PARP4: variants seen among roughly 807,000 people sequenced by gnomAD.
PARP4 encodes protein mono-ADP-ribosyltransferase PARP4.
Under a neutral mutation model 187.7 loss-of-function variants are expected in PARP4, and 120 were observed. The observed-to-expected ratio is 0.64, with a 90% confidence interval of 0.55 to 0.74. The LOEUF is 0.74. Ranked by LOEUF, PARP4 falls within the 30% of genes least tolerant of loss-of-function variation. The pLI is 0.00. For synonymous variants in PARP4, 654 were observed against 740.9 expected (o/e 0.88, Z 1.90); for missense variants, 1,836 against 2,070.5 (o/e 0.89, Z 2.20).
chr13:24,486,640 T>C (rs1277900807), intron 10 of PARP4, among the ~76,000 whole-genome samples: 1 of 152,130 alleles, frequency 6.6e-6, no homozygotes, highest in Non-Finnish European at 1.5e-5. Flanking sequence ...ACCATGTCTT[T>C]CAACAACAAT....
Position 24,421,152 on chromosome 13 carries a change from A to T in PARP4, c.5142T>A (p.Pro1714=). The change falls in exon 34 of 34, where the codon CCT becomes CCA. Residue 1714 remains proline (P), a synonymous_variant. Transcript: ENST00000381989. ...GACTGTAATGGAGGACTCTATGAAG[A>T]GGGGACACAGTGCTTATGGGCTGGA... ...LGLQPISTVS[P]LHRVLHYSQG The T allele has an allele frequency of 6.8e-7, 1 of 1,476,360 alleles. No individual in the cohort carries two copies. Among genetic ancestry groups the T allele is most frequent in the South Asian group, 1.4e-5 (1 of 72,258 alleles). The allele number at this position is 1,476,360 out of a possible 1,614,324, so 91.5% of individuals were successfully genotyped here.
intron 32 of PARP4, among the ~76,000 whole-genome samples, chr13:24,427,582 ATAAT>A (rs1303012719): frequency 3.3e-5 from 5 of 152,216 alleles, no homozygotes; most frequent in Non-Finnish European, 7.3e-5. Flanking sequence ...TCTTTGTCTT[ATAAT>A]TAAGAATATA....
At position 24,449,475 on chromosome 13, in the gene PARP4, T is replaced by TAA. The variant is rs35355871; in HGVS notation, c.3114+241_3114+242dup. 1.9e-3 allele frequency among the ~76,000 whole-genome samples: 281 copies of TAA among 151,580 alleles called. 1 individual carries two copies. The highest frequency in any genetic ancestry group is 6.5e-3 in the African/African-American group (270 of 41,258). On this transcript the variant is annotated intron_variant, in intron 25 of 33. Transcript: ENST00000381989. ...GCAAAACATATTTAATAATTCACTTTAAAAAAAATCAGTCCATGATTTTTA... is the reference window on the plus strand; with the variant it reads ...GCAAAACATATTTAATAATTCACTTTAAAAAAAAAATCAGTCCATGATTTTTA...
chr13:24,493,260 G>T (rs1483602481), intron 8 of PARP4, among the ~76,000 whole-genome samples: 3 of 152,170 alleles, frequency 2.0e-5, no homozygotes, highest in Non-Finnish European at 4.4e-5. Context: ...TGCGGTTAAG[G>T]CATCTGACTG....
In PARP4 at chr13:24,457,743, C is replaced by T. The variant is rs183603809; in HGVS notation, c.2425-1265G>A. On this transcript the variant is annotated intron_variant, in intron 20 of 33. Coordinates refer to ENST00000381989, the MANE Select transcript of PARP4 (RefSeq NM_006437.4). The stretch of plus-strand genomic sequence containing the variant: ...CCATGATCCCACCACTGCACTCCAA[C>T]CTGGGAAACAGAGTAAGACTCTGTC... Among the ~76,000 whole-genome samples, 9 of 132,860 alleles carry T rather than the reference C, an allele frequency of 6.8e-5. No homozygotes were observed. The East Asian group carries it at 2.0e-3, about 29-fold the overall frequency. The allele number at this position is 132,860 out of a possible 152,430, so 87.2% of individuals were successfully genotyped here.
intron 9 of PARP4, 55 bp downstream of exon 9, chr13:24,492,366 C>A: frequency 8.1e-7 from 1 of 1,237,404 alleles, no homozygotes; most frequent in Non-Finnish European, 1.1e-6. Flanking sequence ...TTTCTAAAGA[C>A]CCCCACCCTC....
At chr13:24,465,854 T>C (rs930573844) in intron 17 of PARP4, among the ~76,000 whole-genome samples, 2 of 151,976 alleles carry the variant, frequency 1.3e-5, no homozygotes, top group African/African-American at 4.8e-5. Context: ...ACGACAACAA[T>C]ATCACAAAGG....
At chr13:24,449,626 T>G in intron 25 of PARP4, 92 bp downstream of exon 25, 1 of 748,920 alleles carries the variant, frequency 1.3e-6, no homozygotes, top group Non-Finnish European at 2.2e-6. Context: ...TCCCCTCTCA[T>G]TCAAGGAAAC....
chr13:24,508,314 G>A (rs1274330649), intron 1 of PARP4, among the ~76,000 whole-genome samples: 2 of 152,188 alleles, frequency 1.3e-5, no homozygotes, highest in African/African-American at 2.4e-5. Context: ...TCCACCTTCA[G>A]ATGGGTCCTG....
intron 15 of PARP4, among the ~76,000 whole-genome samples, chr13:24,474,989 G>A (rs1872912223): frequency 6.6e-6 from 1 of 152,178 alleles, no homozygotes; most frequent in South Asian, 2.1e-4. Context: ...CTGAGCCTTG[G>A]CATGTGATGT....
Position 24,426,498 on chromosome 13 carries a change from TGATTTGAACAC to T in PARP4, c.4936_4946del (p.Val1646ThrfsTer6). On this transcript the variant is annotated frameshift_variant, in exon 33 of 34. Coordinates refer to ENST00000381989, the MANE Select transcript of PARP4 (RefSeq NM_006437.4). LOFTEE classifies it low-confidence loss of function (END_TRUNC). Reference sequence around the variant, plus strand: ...TAGAAGCGTCATCCATTTTCATCAGTGATTTGAACACTATTCCCTCTTTTTCCAACCTGGTG... The same window carrying T: ...TAGAAGCGTCATCCATTTTCATCAGTTATTCCCTCTTTTTCCAACCTGGTG... 1 of 1,611,926 alleles carries T rather than the reference TGATTTGAACAC, an allele frequency of 6.2e-7. No individual in the cohort carries two copies. The highest frequency in any genetic ancestry group is 8.5e-7 in the Non-Finnish European group (1 of 1,178,822).
intron 7 of PARP4, among the ~76,000 whole-genome samples, chr13:24,494,152 A>G (rs1868815422): frequency 6.6e-6 from 1 of 152,182 alleles, no homozygotes; most frequent in Admixed American, 6.5e-5. Context: ...ATGCCTTTCT[A>G]TGAGTTCAGA....
At chr13:24,501,978 TCA>T (rs1038567869) in intron 2 of PARP4, 144 bp from the exon 3 acceptor site, 115 of 593,132 alleles carry the variant, frequency 1.9e-4, no homozygotes, top group East Asian at 1.1e-3. Context: ...TCTATAAATA[TCA>T]CAGTTTCTAG....
intron 25 of PARP4, among the ~76,000 whole-genome samples, chr13:24,449,128 C>T (rs1593602846): frequency 6.6e-6 from 1 of 152,268 alleles, no homozygotes; most frequent in East Asian, 1.9e-4. Context: ...GTGGCTCACG[C>T]CTGTAATCCC....
At chr13:24,442,987 T>A (rs549133955) in intron 28 of PARP4, among the ~76,000 whole-genome samples, 1 of 151,646 alleles carries the variant, frequency 6.6e-6, no homozygotes, top group African/African-American at 2.4e-5. Context: ...TTGTTCAGGA[T>A]AAAAGGGCCT....
At chr13:24,467,970 A>G (rs1872555989) in intron 17 of PARP4, among the ~76,000 whole-genome samples, 1 of 150,520 alleles carries the variant, frequency 6.6e-6, no homozygotes, top group Non-Finnish European at 1.5e-5. Context: ...CTGCAGGTGG[A>G]TATCTTAGAT....
intron 4 of PARP4, 131 bp downstream of exon 4, chr13:24,500,185 C>T (rs1162164899): frequency 4.6e-6 from 2 of 437,472 alleles, no homozygotes; most frequent in Non-Finnish European, 8.2e-6. Context: ...TAAAAAATCA[C>T]TTGAGTTAGA....
chr13:24,501,243 G>A (rs1241428632), intron 3 of PARP4, among the ~76,000 whole-genome samples: 2 of 152,164 alleles, frequency 1.3e-5, no homozygotes, highest in African/African-American at 4.8e-5. Flanking sequence ...AAGAAAATAT[G>A]TTTCTTTTGG....
chr13:24,500,357 C>T lies in PARP4; in HGVS notation c.360G>A (p.Pro120=), dbSNP rs761783659. 3.4e-5 allele frequency: 55 copies of T among 1,602,742 alleles called. No homozygotes were observed. Among genetic ancestry groups the T allele is most frequent in the East Asian group, 3.4e-4 (15 of 44,320 alleles). The change falls in exon 4 of 34, where the codon CCG becomes CCA. Residue 120 remains proline, a synonymous_variant. Transcript: ENST00000381989. ...SSEVKTEGLC[P]DSATEEEDTV... is the part of the protein sequence containing the mutation. ...TGTCTTCCTCCTCTGTGGCACTGTC[C>T]GGGCATAGACCTTCTGTTTTCACTT...
Sources: allele counts gnomAD v4.1 joint callset (sites outside exome capture counted in the v4.1 genomes callset), GRCh38; gene constraint gnomAD v4.1.1; transcripts MANE v1.5; gene names NCBI Gene and HGNC (gene_info 2026-07-23, HGNC 2026-07-21).